The following APTX variants were observed in gnomAD, a reference collection of about 807,000 sequenced individuals.
APTX encodes the protein forkhead-associated domain histidine triad-like protein.
Under a neutral mutation model 42.3 loss-of-function variants are expected in APTX, and 33 were observed. The observed-to-expected ratio is 0.78, with a 90% CI of 0.59 to 1.04. APTX has a LOEUF of 1.04. APTX is among the 50% of genes least tolerant of loss of function. APTX has a pLI of 0.00. For synonymous variants in APTX, 130 were observed against 146.7 expected (o/e 0.89, Z 0.82); for missense variants, 421 against 415.1 (o/e 1.01, Z -0.12).
At chr9:33,017,927 C>CT (rs1838020611) in intron 1 of APTX, among the ~76,000 whole-genome samples, 1 of 50,522 alleles carries the variant, frequency 2.0e-5, no homozygotes, top group Non-Finnish European at 3.8e-5. Flanking sequence ...TAGCAACCAG[C>CT]GCCCCCCCCC....
rs772656348 is a variant in APTX, at chr9:32,973,610, C to G, written c.917G>C (p.Arg306Pro). Residue 306 changes from arginine (R) to proline (P), a missense_variant, in exon 8 of 8, where the codon CGA becomes CCA. Coordinates refer to ENST00000379817, the MANE Select transcript of APTX (RefSeq NM_001195248.2). The stretch of plus-strand genomic sequence containing the variant: ...CTTCAAGAGCTCAGGCATCCCATCT[C>G]GGACAGTTACTCTACCAGCCTCTTG... ...MVQEAGRVTV[R>P]DGMPELLKLP... The G allele has an allele frequency of 1.2e-6, 2 of 1,613,290 alleles. No homozygotes were observed. The highest frequency in any genetic ancestry group is 1.7e-6 in the Non-Finnish European group (2 of 1,179,926).
chr9:33,010,978 C>A (rs1418390974), intron 1 of APTX, among the ~76,000 whole-genome samples: 2 of 151,752 alleles, frequency 1.3e-5, no homozygotes, highest in Non-Finnish European at 2.9e-5. Flanking sequence ...CCCATCTTTA[C>A]TAAAAAGTAC....
intron 7 of APTX, 42 bp downstream of exon 7, chr9:32,974,416 C>G (rs753772018): frequency 1.6e-6 from 2 of 1,270,750 alleles, no homozygotes; most frequent in Non-Finnish European, 2.3e-6. Flanking sequence ...AAGAACAGCT[C>G]AGAAAATGAA....
At chr9:32,995,074 T>C (rs996073042) in intron 1 of APTX, among the ~76,000 whole-genome samples, 1 of 152,234 alleles carries the variant, frequency 6.6e-6, no homozygotes, top group Non-Finnish European at 1.5e-5. Flanking sequence ...GATGGAGATA[T>C]ATTATACAGG....
chr9:32,975,732 T>C (rs1443328915), intron 6 of APTX, among the ~76,000 whole-genome samples: 2 of 152,154 alleles, frequency 1.3e-5, no homozygotes, highest in South Asian at 2.1e-4. Context: ...GAAAATGCAC[T>C]TTATTTTTGA....
At chr9:33,001,422 G>A (rs1287633733) in intron 1 of APTX, 145 bp downstream of exon 1, 6 of 1,541,896 alleles carry the variant, frequency 3.9e-6, no homozygotes, top group South Asian at 3.6e-5. Flanking sequence ...TAACAGGGGA[G>A]GACGGAGAAA....
At chr9:32,988,515 C>A (rs1832731992) in intron 2 of APTX, among the ~76,000 whole-genome samples, 1 of 151,280 alleles carries the variant, frequency 6.6e-6, no homozygotes, top group Non-Finnish European at 1.5e-5. Context: ...CCCGTCTCTA[C>A]AAAAAAATAC....
chr9:33,018,029 T>G (rs1159096120), intron 1 of APTX, among the ~76,000 whole-genome samples: 3 of 145,492 alleles, frequency 2.1e-5, no homozygotes, highest in East Asian at 2.1e-4. Flanking sequence ...AAGATACCAC[T>G]TTCACTCTTA....
Position 32,984,619 on chromosome 9 carries a change from C to T in APTX, c.770+12G>A. The T allele has an allele frequency of 6.2e-7, 1 of 1,613,632 alleles. No individual in the cohort carries two copies. The highest frequency in any genetic ancestry group is 8.5e-7 in the Non-Finnish European group (1 of 1,179,544). On this transcript the variant is annotated intron_variant, in intron 6 of 7. Coordinates refer to ENST00000379817, the MANE Select transcript of APTX (RefSeq NM_001195248.2). ...AGAACCAGGAGCCAGCAGCACTACCCACCTGGCTTACCTCATACTCGGAAT... is the reference window on the plus strand; with the variant it reads ...AGAACCAGGAGCCAGCAGCACTACCTACCTGGCTTACCTCATACTCGGAAT...
chr9:33,019,793 C>A (rs1286669168), intron 1 of APTX: 3 of 614,994 alleles, frequency 4.9e-6, no homozygotes, highest in Non-Finnish European at 8.4e-6. Flanking sequence ...TCGGAGCAGG[C>A]AACAGTCTTC....
intron 2 of APTX, 45 bp from the exon 3 acceptor site, chr9:32,988,174 C>T: frequency 6.4e-7 from 1 of 1,560,144 alleles, no homozygotes; most frequent in South Asian, 1.1e-5. Context: ...AACAAAGAAC[C>T]AGGCACTTGC....
intron 1 of APTX, among the ~76,000 whole-genome samples, chr9:32,993,226 G>A (rs111479256): frequency 5.2e-4 from 79 of 152,296 alleles, no homozygotes; most frequent in African/African-American, 1.8e-3. Flanking sequence ...TCAAGTTATG[G>A]TGTTCCTTTT....
At chr9:33,015,500 A>T (rs1837834818) in intron 1 of APTX, among the ~76,000 whole-genome samples, 1 of 152,144 alleles carries the variant, frequency 6.6e-6, no homozygotes, top group South Asian at 2.1e-4. Flanking sequence ...CTGGGATTAC[A>T]GCCGCACACC....
intron 1 of APTX, among the ~76,000 whole-genome samples, chr9:33,013,876 G>A (rs1465067722): frequency 6.6e-6 from 1 of 152,218 alleles, no homozygotes; most frequent in East Asian, 1.9e-4. Context: ...ACAGGGAGAT[G>A]AAAGAAATGA....
At chr9:33,003,529 G>C (rs1043561610), upstream of APTX, among the ~76,000 whole-genome samples, 2 of 152,144 alleles carry the variant, frequency 1.3e-5, no homozygotes, top group Admixed American at 6.5e-5. Flanking sequence ...CTACTTGGGA[G>C]GCTGAAGCAG....
intron 1 of APTX, among the ~76,000 whole-genome samples, chr9:33,015,471 G>A (rs1251389432): frequency 1.3e-5 from 2 of 152,086 alleles, no homozygotes; most frequent in Non-Finnish European, 2.9e-5. Flanking sequence ...TGATTCTCCT[G>A]CCTCAGCCTC....
intron 1 of APTX, among the ~76,000 whole-genome samples, chr9:33,015,585 CTGATCTCA>C (rs1234451953): frequency 6.6e-6 from 1 of 152,158 alleles, no homozygotes; most frequent in Non-Finnish European, 1.5e-5. Flanking sequence ...CCTTGAACTC[CTGATCTCA>C]TGATCTGCCT....
intron 1 of APTX, among the ~76,000 whole-genome samples, chr9:32,993,468 T>C (rs1485329028): frequency 1.3e-5 from 2 of 152,202 alleles, no homozygotes; most frequent in East Asian, 1.9e-4. Context: ...CGCTTATCAA[T>C]ATATCTGTAG....
At chr9:32,981,603 G>C (rs1830692211) in intron 6 of APTX, among the ~76,000 whole-genome samples, 1 of 152,088 alleles carries the variant, frequency 6.6e-6, no homozygotes, top group South Asian at 2.1e-4. Context: ...ACATCTTGTG[G>C]GGCCAGAAAA....
Sources: gnomAD v4.1 joint callset for allele counts (sites outside exome capture counted in the v4.1 genomes callset) on GRCh38, gnomAD v4.1.1 for gene constraint, MANE v1.5 for transcripts, NCBI Gene and HGNC (gene_info 2026-07-23, HGNC 2026-07-21) for gene names.